Variants in VPS13D observed in about 807,000 individuals in gnomAD.
The protein encoded by VPS13D is intermembrane lipid transfer protein VPS13D.
In VPS13D, 187 loss-of-function variants were observed where a neutral mutation model predicts 461.9. That is an observed-to-expected ratio of 0.40 (90% CI 0.36 to 0.46). The LOEUF is 0.46. Ranked by LOEUF, VPS13D falls within the 20% of genes least tolerant of loss-of-function variation. VPS13D has a pLI of 0.60. For synonymous variants in VPS13D, 1,951 were observed against 1,986.3 expected (o/e 0.98, Z 0.47); for missense variants, 4,711 against 5,364.9 (o/e 0.88, Z 3.81).
At chr1:12,355,451 A>T (rs1643877119) in intron 47 of VPS13D, among the ~76,000 whole-genome samples, 1 of 152,226 alleles carries the variant, frequency 6.6e-6, no homozygotes. Context: ...ATTAGAAACG[A>T]TGAATGTTTG....
chr1:12,266,778 G>GT (rs1269875582), intron 13 of VPS13D, 103 bp from the exon 14 acceptor site: 1 of 1,057,684 alleles, frequency 9.5e-7, no homozygotes, highest in Non-Finnish European at 1.3e-6. Flanking sequence ...AGGAAAAATA[G>GT]TTCATCTATA....
At chr1:12,498,577 T>G (rs1645991853) in intron 68 of VPS13D, among the ~76,000 whole-genome samples, 1 of 152,180 alleles carries the variant, frequency 6.6e-6, no homozygotes, top group Non-Finnish European at 1.5e-5. Flanking sequence ...CCCTGTGGTG[T>G]TATTAGAAGG....
chr1:12,236,259 A>G (rs1640143996), intron 2 of VPS13D, among the ~76,000 whole-genome samples: 1 of 152,248 alleles, frequency 6.6e-6, no homozygotes, highest in East Asian at 1.9e-4. Flanking sequence ...GGCCAGAACA[A>G]TCTTGGGGGC....
At chr1:12,379,201 A>AT (rs1349798083) in intron 56 of VPS13D, among the ~76,000 whole-genome samples, 11 of 152,230 alleles carry the variant, frequency 7.2e-5, no homozygotes, top group African/African-American at 2.7e-4. Context: ...TCCATACTGC[A>AT]TGGTAAGTTG....
At chr1:12,256,560 A>T in intron 8 of VPS13D, 57 bp downstream of exon 8, 1 of 1,577,416 alleles carries the variant, frequency 6.3e-7, no homozygotes, top group South Asian at 1.1e-5. Context: ...ACTGCAGTGA[A>T]AGTCTTGATA....
chr1:12,291,104 A>G lies in VPS13D; in HGVS notation c.5832A>G (p.Ala1944=). ...GGTTCACTACCAGTGGTGAAGAAGCACTCATCTTCCAGACTTTTAAGTAAA... is the reference window on the plus strand; with the variant it reads ...GGTTCACTACCAGTGGTGAAGAAGCGCTCATCTTCCAGACTTTTAAGTAAA... ...RERFTTSGEE[A]LIFQTFKYGR... is the part of the protein sequence containing the mutation. The change falls in exon 23 of 70, where the codon GCA becomes GCG. Residue 1944 remains alanine, a synonymous_variant. Coordinates refer to ENST00000620676, the MANE Select transcript of VPS13D (RefSeq NM_015378.4). 6.2e-7 allele frequency: 1 copy of G among 1,612,554 alleles called. No homozygotes were observed. The highest frequency in any genetic ancestry group is 8.5e-7 in the Non-Finnish European group (1 of 1,179,628).
chr1:12,506,747 C>T (rs371550298), intron 68 of VPS13D, 106 bp from the exon 69 acceptor site: 38 of 1,427,514 alleles, frequency 2.7e-5, no homozygotes, highest in African/African-American at 7.2e-5. Flanking sequence ...GCAAGGGGGC[C>T]GGGATTCGCA....
chr1:12,340,046 C>G (rs1317547582), intron 40 of VPS13D, among the ~76,000 whole-genome samples: 5 of 152,184 alleles, frequency 3.3e-5, no homozygotes, highest in Non-Finnish European at 7.3e-5. Flanking sequence ...TCATTGCACT[C>G]ATAGAAGAGG....
intron 10 of VPS13D, among the ~76,000 whole-genome samples, chr1:12,259,361 G>A (rs555741356): frequency 2.7e-5 from 4 of 145,728 alleles, no homozygotes; most frequent in African/African-American, 1.1e-4. Flanking sequence ...TGTCATCCAC[G>A]CTGGAGTGCA....
At position 12,267,817 on chromosome 1, in the gene VPS13D, T is replaced by G. The variant is rs1285719342; in HGVS notation, c.1726-28T>G. 2.5e-6 allele frequency: 4 copies of G among 1,610,296 alleles called. No homozygotes were observed. The East Asian group carries it at 8.9e-5, about 36-fold the overall frequency. On this transcript the variant is annotated intron_variant, in intron 14 of 69. Coordinates refer to ENST00000620676, the MANE Select transcript of VPS13D (RefSeq NM_015378.4). ...AATTGTCCCCTCTCACGCTGACGTT[T>G]ACGCATTTTTGTGTGTTTGTTTAAT...
intron 26 of VPS13D, 107 bp downstream of exon 26, chr1:12,304,835 G>A (rs893662595): frequency 1.6e-5 from 17 of 1,095,420 alleles, no homozygotes; most frequent in Non-Finnish European, 2.2e-5. Context: ...TTAACGAAGA[G>A]ATAGCATTTC....
intron 67 of VPS13D, chr1:12,478,851 A>G (rs1372351825): frequency 6.6e-6 from 3 of 455,950 alleles, no homozygotes; most frequent in Non-Finnish European, 1.3e-5. Context: ...CCTGTCTCCA[A>G]GGAGGCCGCA....
chr1:12,262,265 T>C (rs1641134506), intron 13 of VPS13D, among the ~76,000 whole-genome samples, 185 bp downstream of exon 13: 2 of 152,198 alleles, frequency 1.3e-5, no homozygotes, highest in African/African-American at 4.8e-5. Context: ...GGTCATAACA[T>C]TCATCAACTG....
intron 67 of VPS13D, among the ~76,000 whole-genome samples, chr1:12,466,753 T>C (rs542027937): frequency 1.3e-5 from 2 of 152,378 alleles, no homozygotes; most frequent in African/African-American, 4.8e-5. Flanking sequence ...TATCTGTCTT[T>C]TGGCTTGGTG....
chr1:12,297,958 C>T (rs1390170766), intron 24 of VPS13D, among the ~76,000 whole-genome samples: 3 of 152,096 alleles, frequency 2.0e-5, no homozygotes, highest in East Asian at 1.9e-4. Flanking sequence ...TTTCCATTAA[C>T]ATATAACTGA....
intron 60 of VPS13D, among the ~76,000 whole-genome samples, chr1:12,396,772 A>G (rs1644504645): frequency 6.6e-6 from 1 of 152,158 alleles, no homozygotes; most frequent in Non-Finnish European, 1.5e-5. Context: ...AATTCAGGCT[A>G]ATCGTATCCT....
intron 5 of VPS13D, among the ~76,000 whole-genome samples, chr1:12,246,132 GAGTGGGTACTCAAGTGAAAAATTACA>G (rs1342794659): frequency 1.3e-5 from 2 of 152,198 alleles, no homozygotes; most frequent in Admixed American, 6.5e-5. Context: ...GAGGTGGAGT[GAGTGGGTACTCAAGTGAAAAATTACA>G]AGGCGTTGGT....
intron 24 of VPS13D, among the ~76,000 whole-genome samples, chr1:12,298,882 A>G (rs1642347765): frequency 6.6e-6 from 1 of 152,082 alleles, no homozygotes; most frequent in Admixed American, 6.6e-5. Context: ...CTCTCTAAGC[A>G]TAGTTTTAAG....
At chr1:12,462,509 A>G (rs1645425607) in intron 67 of VPS13D, among the ~76,000 whole-genome samples, 1 of 152,228 alleles carries the variant, frequency 6.6e-6, no homozygotes, top group African/African-American at 2.4e-5. Flanking sequence ...AATGAGGACA[A>G]GACAGTCCAG....
Sources: allele counts gnomAD v4.1 joint callset (sites outside exome capture counted in the v4.1 genomes callset), GRCh38; gene constraint gnomAD v4.1.1; transcripts MANE v1.5; gene names NCBI Gene and HGNC (gene_info 2026-07-23, HGNC 2026-07-21).